The following SACS variants were observed in gnomAD, a reference collection of about 807,000 sequenced individuals.
SACS encodes the protein sacsin.
SACS carries 197 observed loss-of-function variants against 348.0 expected under a neutral mutation model. The observed-to-expected ratio is 0.57, with a 90% CI of 0.50 to 0.64. The LOEUF (loss-of-function observed/expected upper bound fraction) is 0.64, where lower values mean the gene tolerates loss of function less well. Ranked by LOEUF, SACS falls within the 30% of genes least tolerant of loss-of-function variation. The pLI is 0.00. For synonymous variants in SACS, 1,985 were observed against 1,910.6 expected (o/e 1.04, Z -1.02); for missense variants, 4,999 against 5,360.8 (o/e 0.93, Z 2.11).
chr13:23,358,031 A>T (rs1425787558), intron 7 of SACS, among the ~76,000 whole-genome samples: 1 of 152,166 alleles, frequency 6.6e-6, no homozygotes, highest in Non-Finnish European at 1.5e-5. Flanking sequence ...TCAGAGTAAA[A>T]ATTTTGTGTT....
intron 1 of SACS, among the ~76,000 whole-genome samples, chr13:23,415,263 C>A (rs1264271587): frequency 1.3e-5 from 2 of 152,164 alleles, no homozygotes; most frequent in African/African-American, 2.4e-5. Context: ...AACTTCTCAC[C>A]TCAGGTGATC....
intron 9 of SACS, among the ~76,000 whole-genome samples, chr13:23,353,036 A>ACTT (rs1870070292): frequency 6.6e-6 from 1 of 152,198 alleles, no homozygotes; most frequent in African/African-American, 2.4e-5. Flanking sequence ...CAAACCCAGA[A>ACTT]CTTTTCAGGA....
At chr13:23,403,039 G>C (rs150670047) in intron 2 of SACS, among the ~76,000 whole-genome samples, 3 of 152,024 alleles carry the variant, frequency 2.0e-5, no homozygotes, top group African/African-American at 7.3e-5. Flanking sequence ...TTAGCTGGGC[G>C]TGGTGGCAGA....
intron 2 of SACS, among the ~76,000 whole-genome samples, chr13:23,384,689 A>T (rs9580608): frequency 0.014 from 2,106 of 152,252 alleles, 64 homozygotes; most frequent in African/African-American, 0.048. Context: ...ACAGGGCCCA[A>T]GGGGAGTTGG....
chr13:23,417,886 C>T (rs1873748056), intron 1 of SACS, among the ~76,000 whole-genome samples: 1 of 151,758 alleles, frequency 6.6e-6, no homozygotes. Context: ...CTGGGCAACA[C>T]AGCAAAACCC....
At chr13:23,363,005 GT>G (rs1870834803) in intron 6 of SACS, among the ~76,000 whole-genome samples, 1 of 150,588 alleles carries the variant, frequency 6.6e-6, no homozygotes. Flanking sequence ...TGCCTCCCGG[GT>G]TCAAGGGTTC....
intron 1 of SACS, among the ~76,000 whole-genome samples, chr13:23,423,586 T>C (rs1208413580): frequency 1.3e-5 from 2 of 152,154 alleles, no homozygotes; most frequent in Non-Finnish European, 2.9e-5. Context: ...AACCTACTAA[T>C]ATCCAGCCCT....
intron 2 of SACS, among the ~76,000 whole-genome samples, chr13:23,409,161 A>G (rs769435482): frequency 2.6e-4 from 35 of 132,146 alleles, no homozygotes; most frequent in Non-Finnish European, 4.4e-4. Flanking sequence ...GCTTCACACC[A>G]TTCTCCTGCC....
chr13:23,430,398 TTATAAA>T (rs1196493814), intron 1 of SACS, among the ~76,000 whole-genome samples: 1 of 151,804 alleles, frequency 6.6e-6, no homozygotes, highest in African/African-American at 2.4e-5. Context: ...CAAATAAAAA[TTATAAA>T]TATAAACATA....
At chr13:23,368,373 A>G (rs1188045720) in intron 5 of SACS, 29 bp downstream of exon 5, 5 of 1,496,124 alleles carry the variant, frequency 3.3e-6, no homozygotes, top group East Asian at 4.5e-5. Context: ...ATCAAAGTAA[A>G]TAACACATGA....
chr13:23,331,674 T>C lies in SACS; in HGVS notation c.12202A>G (p.Ser4068Gly). 6.2e-7 allele frequency: 1 copy of C among 1,614,004 alleles called. No individual in the cohort carries two copies. Among genetic ancestry groups the C allele is most frequent in the Non-Finnish European group, 8.5e-7 (1 of 1,179,952 alleles). The change falls in exon 10 of 10, where the codon AGC becomes GGC. Residue 4068 changes from serine (S) to glycine (G), a missense_variant. Ser to Gly is a moderately conservative substitution (Grantham distance 56). This residue lies in a region of SACS where 831 missense variants were observed against 941.8 expected (regional missense o/e 0.88). Transcript: ENST00000382292. ...AAAAAAGCAAAAGTTTCACTTCTGC[T>C]GTGGGGAATAGGATTAAAACCTTTA... is the stretch of plus-strand genomic sequence containing the variant. ...RVKGFNPIPH[S>G]RSETFAFLKR...
intron 1 of SACS, among the ~76,000 whole-genome samples, chr13:23,416,222 C>T (rs768711243): frequency 1.4e-5 from 2 of 147,412 alleles, no homozygotes; most frequent in South Asian, 4.3e-4. Flanking sequence ...GCGGAGGTTG[C>T]AGTGAGCCAA....
chr13:23,422,211 A>C (rs1053153516), intron 1 of SACS, among the ~76,000 whole-genome samples: 1 of 152,002 alleles, frequency 6.6e-6, no homozygotes, highest in Non-Finnish European at 1.5e-5. Context: ...TATAGAATCT[A>C]ACAAATGAGA....
rs565350294 is a variant in SACS at position 23,336,691 on chromosome 13, G to T, written c.7185C>A (p.Cys2395Ter). The change falls in exon 10 of 10, where the codon TGC (cysteine) becomes TGA (stop). Residue 2395 changes from cysteine to a stop codon, truncating the protein, a stop_gained. Coordinates refer to ENST00000382292, the MANE Select transcript of SACS (RefSeq NM_014363.6). LOFTEE classifies it high-confidence loss of function. ...AAACAAGAGCAAAATCTTCAACAGTGCATGACTGCCTCACACCCACGGTTT... is the reference window on the plus strand; with the variant it reads ...AAACAAGAGCAAAATCTTCAACAGTTCATGACTGCCTCACACCCACGGTTT... ...LFETVGVRQS[C>*]TVEDFALVLE... is the part of the protein sequence containing the mutation. 1.2e-6 allele frequency: 2 copies of T among 1,613,798 alleles called. No homozygotes were observed. The highest frequency in any genetic ancestry group is 1.7e-5 in the Admixed American group (1 of 59,990).
In SACS at chr13:23,340,380, T is replaced by G; in HGVS notation, c.3496A>C (p.Asn1166His). 6.2e-7 allele frequency: 1 copy of G among 1,614,128 alleles called. No homozygotes were observed. Among genetic ancestry groups the G allele is most frequent in the Non-Finnish European group, 8.5e-7 (1 of 1,179,998 alleles). ...WVPACKERPP[N>H]YPGSLVWKGD... is the part of the protein sequence containing the mutation. ...TTCCAGACCAAAGAGCCTGGATAAT[T>G]TGGAGGCCTTTCCTTGCAGGCTGGA... The change falls in exon 10 of 10, where the codon AAT becomes CAT. Residue 1166 changes from asparagine to histidine, a missense_variant. Coordinates refer to ENST00000382292, the MANE Select transcript of SACS (RefSeq NM_014363.6).
Position 23,354,816 on chromosome 13 carries a change from T to C in SACS, c.1796A>G (p.Lys599Arg). ...TVLNYLQSSG[K>R]QIAKVPGNVD... ...ATTCCCTGGTACCTTGGCAATCTGCTTCCCTGAGCTCTGGAGGTAGTTGAG... is the reference window on the plus strand; with the variant it reads ...ATTCCCTGGTACCTTGGCAATCTGCCTCCCTGAGCTCTGGAGGTAGTTGAG... The change falls in exon 8 of 10, where the codon AAG (lysine) becomes AGG (arginine). Residue 599 changes from lysine to arginine, a missense_variant. This residue lies in a region of SACS where 3,156 missense variants were observed against 3,380.1 expected (regional missense o/e 0.93). Coordinates refer to ENST00000382292, the MANE Select transcript of SACS (RefSeq NM_014363.6). 3.7e-6 allele frequency: 6 copies of C among 1,614,244 alleles called. No individual in the cohort carries two copies. Among genetic ancestry groups the C allele is most frequent in the Non-Finnish European group, 5.1e-6 (6 of 1,180,036 alleles).
chr13:23,334,517 C>T lies in SACS; in HGVS notation c.9359G>A (p.Arg3120His), dbSNP rs569955570. The change falls in exon 10 of 10, where the codon CGT becomes CAT. Residue 3120 changes from arginine (R) to histidine (H), a missense_variant. Arg to His is a conservative substitution (Grantham distance 29, BLOSUM62 0). This residue lies in a region of SACS where 734 missense variants were observed against 694.0 expected (regional missense o/e 1.06). Transcript: ENST00000382292. ...AAGTTTTAGATTAGTCTGCTGCAGA[C>T]GACAAGGCAGCTTCCCAATATGGCA... ...TNCHIGKLPC[R>H]LQQTNLKLFH... is the part of the protein sequence containing the mutation. 3.0e-5 allele frequency: 48 copies of T among 1,613,288 alleles called. No homozygotes were observed. The highest frequency in any genetic ancestry group is 4.5e-5 in the East Asian group (2 of 44,864).
At position 23,355,798 on chromosome 13, in the gene SACS, G is replaced by A. The variant is rs374128662; in HGVS notation, c.814C>T (p.Arg272Cys). The change falls in exon 8 of 10, where the codon CGT becomes TGT. Residue 272 changes from arginine (R) to cysteine (C), a missense_variant. This residue lies in a region of SACS where 3,156 missense variants were observed against 3,380.1 expected (regional missense o/e 0.93). Coordinates refer to ENST00000382292, the MANE Select transcript of SACS (RefSeq NM_014363.6). The part of the protein sequence containing the change: ...INGNFPGTFF[R>C]FPLRLQPSQL... ...GAAGGTTGTAGGCGAAGAGGGAAACGGAAAAATGTTCCTGGAAAATTGCCG... is the reference window on the plus strand; with the variant it reads ...GAAGGTTGTAGGCGAAGAGGGAAACAGAAAAATGTTCCTGGAAAATTGCCG... 15 of 1,614,070 alleles carry A rather than the reference G, an allele frequency of 9.3e-6. No homozygotes were observed. Among genetic ancestry groups the A allele is most frequent in the Non-Finnish European group, 1.1e-5 (13 of 1,180,044 alleles).
chr13:23,407,268 G>A (rs1271296725), intron 2 of SACS, among the ~76,000 whole-genome samples: 2 of 151,948 alleles, frequency 1.3e-5, no homozygotes, highest in Non-Finnish European at 2.9e-5. Flanking sequence ...GCGCAATCTC[G>A]GCTCACTGCA....
Sources: gnomAD v4.1 joint callset for allele counts (sites outside exome capture counted in the v4.1 genomes callset) on GRCh38, gnomAD v4.1.1 for gene constraint, gnomAD v4.1.1 regional missense constraint, MANE v1.5 for transcripts, NCBI Gene and HGNC (gene_info 2026-07-23, HGNC 2026-07-21) for gene names.